Variants in PXDNL observed in about 807,000 individuals in gnomAD.
The protein encoded by PXDNL is probable oxidoreductase PXDNL.
Under a neutral mutation model 150.8 loss-of-function variants are expected in PXDNL, and 145 were observed. The ratio of observed to expected loss-of-function variants is 0.96; its 90% CI spans 0.84 to 1.10. The LOEUF (loss-of-function observed/expected upper bound fraction) is 1.10, where lower values mean the gene tolerates loss of function less well. PXDNL is among the 50% of genes least tolerant of loss of function. The pLI, the probability that PXDNL is intolerant of heterozygous loss-of-function variation, is 0.00. For missense variants in PXDNL, 2,087 were observed against 1,873.9 expected (o/e 1.11, Z -2.10); for synonymous variants, 757 against 725.7 (o/e 1.04, Z -0.69).
At chr8:51,559,189 A>G (rs1030196220) in intron 3 of PXDNL, among the ~76,000 whole-genome samples, 2 of 151,932 alleles carry the variant, frequency 1.3e-5, no homozygotes, top group Non-Finnish European at 2.9e-5. Context: ...CAGAGCAGTT[A>G]AGGAGAACTA....
At chr8:51,791,891 G>A (rs1293799268) in intron 1 of PXDNL, among the ~76,000 whole-genome samples, 1 of 152,102 alleles carries the variant, frequency 6.6e-6, no homozygotes, top group Admixed American at 6.5e-5. Flanking sequence ...GGGTGAGTAA[G>A]ATTTAGCAAT....
chr8:51,760,118 C>T (rs1350203340), intron 1 of PXDNL, among the ~76,000 whole-genome samples: 2 of 152,162 alleles, frequency 1.3e-5, no homozygotes, highest in Admixed American at 6.5e-5. Context: ...TGTTAAAACT[C>T]GGAAGTCCAT....
At chr8:51,360,824 C>T (rs1025550248) in intron 19 of PXDNL, among the ~76,000 whole-genome samples, 2 of 152,244 alleles carry the variant, frequency 1.3e-5, no homozygotes, top group Non-Finnish European at 2.9e-5. Context: ...TTCTGTACCT[C>T]ACTTCTGTTT....
At chr8:51,716,756 G>A (rs374266199) in intron 1 of PXDNL, among the ~76,000 whole-genome samples, 1 of 152,272 alleles carries the variant, frequency 6.6e-6, no homozygotes, top group African/African-American at 2.4e-5. Context: ...CATCCCCAAA[G>A]GCAGGTGGAA....
At chr8:51,600,923 AT>A (rs913433994) in intron 2 of PXDNL, among the ~76,000 whole-genome samples, 5 of 137,502 alleles carry the variant, frequency 3.6e-5, no homozygotes, top group African/African-American at 1.5e-4. Context: ...TCTTATATAA[AT>A]TATATAATTT....
At chr8:51,420,941 G>C (rs369422807) in intron 14 of PXDNL, among the ~76,000 whole-genome samples, 2 of 152,298 alleles carry the variant, frequency 1.3e-5, no homozygotes, top group Admixed American at 6.5e-5. Flanking sequence ...GCCTGCCTCA[G>C]CTTCCCAAAG....
intron 2 of PXDNL, among the ~76,000 whole-genome samples, chr8:51,614,299 C>A (rs1196756055): frequency 2.0e-5 from 3 of 152,168 alleles, no homozygotes; most frequent in Non-Finnish European, 4.4e-5. Context: ...CTAAAGGTTT[C>A]TTCGTACATA....
chr8:51,534,779 C>T (rs866923362), intron 4 of PXDNL, among the ~76,000 whole-genome samples: 1 of 116,454 alleles, frequency 8.6e-6, no homozygotes, highest in Non-Finnish European at 1.8e-5. Flanking sequence ...CCAGCCGCCC[C>T]GTCCGGGAGG....
At chr8:51,669,838 A>G (rs1307684234) in intron 1 of PXDNL, among the ~76,000 whole-genome samples, 1 of 152,246 alleles carries the variant, frequency 6.6e-6, no homozygotes, top group Non-Finnish European at 1.5e-5. Context: ...CACACATTTA[A>G]AAAAATAACT....
chr8:51,730,171 C>T lies in PXDNL; in HGVS notation c.165-75411G>A, dbSNP rs567045525. Among the ~76,000 whole-genome samples the T allele has an allele frequency of 4.6e-5, 7 of 151,066 alleles. No individual in the cohort carries two copies. The South Asian group carries it at 1.5e-3, about 32-fold the overall frequency. ...TGTAGGTTCATCACTTGTAACATCT[C>T]ATTCAGGGTATTGACAGGGGGTAGC... On this transcript the variant is annotated intron_variant, in intron 1 of 22. Coordinates refer to ENST00000356297, the MANE Select transcript of PXDNL (RefSeq NM_144651.5).
chr8:51,413,663 T>C (rs1808715122), intron 14 of PXDNL, among the ~76,000 whole-genome samples: 1 of 152,118 alleles, frequency 6.6e-6, no homozygotes, highest in African/African-American at 2.4e-5. Flanking sequence ...TCCCATCCCA[T>C]AGAGGCTTCT....
chr8:51,739,225 A>G (rs1174774229), intron 1 of PXDNL, among the ~76,000 whole-genome samples: 1 of 152,134 alleles, frequency 6.6e-6, no homozygotes, highest in Non-Finnish European at 1.5e-5. Flanking sequence ...AAAAACTTAG[A>G]AAACTACAAA....
intron 1 of PXDNL, among the ~76,000 whole-genome samples, chr8:51,747,395 C>T (rs954634954): frequency 2.0e-5 from 3 of 152,208 alleles, no homozygotes; most frequent in East Asian, 1.9e-4. Context: ...TCTAAGTGAA[C>T]TCAAAGTGTA....
At chr8:51,654,514 GTTATAAAAACA>G (rs142517106) in intron 2 of PXDNL, among the ~76,000 whole-genome samples, 164 bp downstream of exon 2, 3,937 of 152,214 alleles carry the variant, frequency 0.026, 172 homozygotes, top group African/African-American at 0.089. Flanking sequence ...TGTTCAAAAG[GTTATAAAAACA>G]TAGGCAGTGT....
At chr8:51,582,358 C>T (rs192145072) in intron 3 of PXDNL, among the ~76,000 whole-genome samples, 10 of 152,140 alleles carry the variant, frequency 6.6e-5, no homozygotes, top group African/African-American at 2.4e-4. Flanking sequence ...GCCATCTAGT[C>T]TATGGTATTT....
intron 2 of PXDNL, among the ~76,000 whole-genome samples, chr8:51,626,171 A>G (rs1814356971): frequency 1.3e-5 from 2 of 152,218 alleles, no homozygotes; most frequent in Non-Finnish European, 2.9e-5. Flanking sequence ...ACGAGAATGA[A>G]CACATATAAT....
chr8:51,538,357 A>G (rs895407412), intron 4 of PXDNL, among the ~76,000 whole-genome samples: 1 of 152,072 alleles, frequency 6.6e-6, no homozygotes, highest in Non-Finnish European at 1.5e-5. Context: ...AAACTGATCC[A>G]TAGATTCAAT....
chr8:51,799,698 A>G, intron 1 of PXDNL, among the ~76,000 whole-genome samples: 1 of 152,226 alleles, frequency 6.6e-6, no homozygotes, highest in Non-Finnish European at 1.5e-5. Flanking sequence ...GCCTCTCTAT[A>G]ACAGGGCAAG....
intron 5 of PXDNL, 47 bp downstream of exon 5, chr8:51,499,652 G>C (rs1030812235): frequency 6.9e-7 from 1 of 1,453,452 alleles, no homozygotes; most frequent in African/African-American, 1.4e-5. Context: ...TGTATAAATG[G>C]AAAATGTAAA....
Sources: allele counts gnomAD v4.1 joint callset (sites outside exome capture counted in the v4.1 genomes callset), GRCh38; gene constraint gnomAD v4.1.1; transcripts MANE v1.5; gene names NCBI Gene and HGNC (gene_info 2026-07-23, HGNC 2026-07-21).